KDM4B: variants seen among roughly 807,000 people sequenced by gnomAD.
The protein encoded by KDM4B is lysine-specific demethylase 4B.
KDM4B carries 32 observed loss-of-function variants against 125.2 expected under a neutral mutation model. That is an observed-to-expected ratio of 0.26 (90% CI 0.19 to 0.34). The LOEUF (loss-of-function observed/expected upper bound fraction) is 0.34, where lower values mean the gene tolerates loss of function less well. Ranked by LOEUF, KDM4B falls within the 10% of genes least tolerant of loss-of-function variation. The pLI is 1.00. For missense variants in KDM4B, 1,190 were observed against 1,577.7 expected (o/e 0.75, Z 4.16); for synonymous variants, 721 against 677.9 (o/e 1.06, Z -0.99).
chr19:5,087,386 C>T (rs2038539659), intron 9 of KDM4B, among the ~76,000 whole-genome samples: 1 of 152,224 alleles, frequency 6.6e-6, no homozygotes, highest in Non-Finnish European at 1.5e-5. Context: ...CACTCCTGCT[C>T]ATCCCCTATG....
At chr19:5,005,373 C>T (rs988953902) in intron 1 of KDM4B, among the ~76,000 whole-genome samples, 1 of 152,204 alleles carries the variant, frequency 6.6e-6, no homozygotes, top group Non-Finnish European at 1.5e-5. Flanking sequence ...CCTGTTCCTC[C>T]ATGGCCTCTG....
chr19:5,105,620 G>T (rs1691452039), intron 9 of KDM4B, among the ~76,000 whole-genome samples: 1 of 152,152 alleles, frequency 6.6e-6, no homozygotes, highest in Non-Finnish European at 1.5e-5. Flanking sequence ...AAATTTTTGT[G>T]GAGACAGCGT....
chr19:5,137,952 G>A lies in KDM4B; in HGVS notation c.2442-10G>A, dbSNP rs1337883728. ...AGGCGCACCTGACCCCGCTGCACCTGCCCTCCCAGGTGGATCCACGTGATC... is the reference window on the plus strand; with the variant it reads ...AGGCGCACCTGACCCCGCTGCACCTACCCTCCCAGGTGGATCCACGTGATC... On this transcript the variant is annotated splice_polypyrimidine_tract_variant and intron_variant, in intron 17 of 22. Coordinates refer to ENST00000159111, the MANE Select transcript of KDM4B (RefSeq NM_015015.3). The A allele has an allele frequency of 6.2e-7, 1 of 1,609,300 alleles. No homozygotes were observed. Among genetic ancestry groups the A allele is most frequent in the Admixed American group, 1.7e-5 (1 of 59,774 alleles).
chr19:5,132,073 G>A (rs1430482400), intron 13 of KDM4B, 66 bp downstream of exon 13: 3 of 1,489,714 alleles, frequency 2.0e-6, no homozygotes, highest in African/African-American at 1.4e-5. Flanking sequence ...TGCTGGAGGG[G>A]GGGCCTGGCT....
chr19:5,137,387 C>T (rs372201939), intron 16 of KDM4B, 49 bp downstream of exon 16: 997 of 1,501,814 alleles, frequency 6.6e-4, no homozygotes, highest in South Asian at 1.1e-3. Flanking sequence ...GCCTGGGCCC[C>T]GGCCCCACTC....
At chr19:5,028,435 A>G (rs2036349388) in intron 2 of KDM4B, among the ~76,000 whole-genome samples, 1 of 152,142 alleles carries the variant, frequency 6.6e-6, no homozygotes, top group Non-Finnish European at 1.5e-5. Context: ...GCTGTGTCGT[A>G]TTCCACCGCA....
At chr19:5,000,832 C>G (rs1329658117) in intron 1 of KDM4B, among the ~76,000 whole-genome samples, 4 of 152,096 alleles carry the variant, frequency 2.6e-5, no homozygotes, top group Non-Finnish European at 5.9e-5. Context: ...TTTCTTGATT[C>G]AACATACGTG....
intron 6 of KDM4B, among the ~76,000 whole-genome samples, chr19:5,057,540 T>C (rs1275866141): frequency 1.3e-5 from 2 of 152,220 alleles, no homozygotes; most frequent in Non-Finnish European, 2.9e-5. Context: ...ATCGTAAGCC[T>C]TGCTATCAGT....
At position 5,122,204 on chromosome 19, in the gene KDM4B, G is replaced by A. The variant is rs192859675; in HGVS notation, c.1315+2352G>A. Reference sequence around the variant, plus strand: ...CCTGCCTGTCTCAGTGTCTAGAGGCGCCCACATCTCTTGGCTCAGAGCCCC... The same window carrying A: ...CCTGCCTGTCTCAGTGTCTAGAGGCACCCACATCTCTTGGCTCAGAGCCCC... On this transcript the variant is annotated intron_variant, in intron 11 of 22. Coordinates refer to ENST00000159111, the MANE Select transcript of KDM4B (RefSeq NM_015015.3). Among the ~76,000 whole-genome samples, 93 of 152,208 alleles carry A rather than the reference G, an allele frequency of 6.1e-4. 1 individual carries two copies. The highest frequency in any genetic ancestry group is 2.0e-3 in the African/African-American group (85 of 41,528).
intron 1 of KDM4B, among the ~76,000 whole-genome samples, chr19:5,003,319 T>A (rs1871394722): frequency 6.6e-6 from 1 of 151,914 alleles, no homozygotes; most frequent in Non-Finnish European, 1.5e-5. Flanking sequence ...AGAAACCCCA[T>A]CTCTAATAAA....
intron 2 of KDM4B, among the ~76,000 whole-genome samples, chr19:5,017,990 T>C (rs1314512481): frequency 2.0e-5 from 3 of 151,946 alleles, no homozygotes; most frequent in Admixed American, 2.0e-4. Context: ...CCGCCCACCT[T>C]GGCCTCCCAA....
chr19:4,969,964 A>C (rs1170701351), intron 1 of KDM4B, among the ~76,000 whole-genome samples: 1 of 151,992 alleles, frequency 6.6e-6, no homozygotes, highest in Admixed American at 6.6e-5. Flanking sequence ...TTCCAGCCTG[A>C]TCGCCATCTC....
chr19:5,041,134 C>T lies in KDM4B; in HGVS notation c.318-3C>T, dbSNP rs765796330. ...AGCTGGTTTTGGGGTGTTTGTTCAC[C>T]AGGTACTGTACCCCGCGGCACCAGG... On this transcript the variant is annotated splice_region_variant and splice_polypyrimidine_tract_variant and intron_variant, in intron 4 of 22. Transcript: ENST00000159111. The T allele has an allele frequency of 6.2e-7, 1 of 1,602,926 alleles. No individual in the cohort carries two copies. Among genetic ancestry groups the T allele is most frequent in the East Asian group, 2.2e-5 (1 of 44,708 alleles).
At chr19:4,983,269 A>C (rs2145335166) in intron 1 of KDM4B, among the ~76,000 whole-genome samples, 1 of 151,812 alleles carries the variant, frequency 6.6e-6, no homozygotes, top group South Asian at 2.1e-4. Context: ...CTGGTGCTAT[A>C]GATGGGGTCC....
At chr19:5,051,218 G>A (rs2037212383) in intron 6 of KDM4B, among the ~76,000 whole-genome samples, 1 of 152,238 alleles carries the variant, frequency 6.6e-6, no homozygotes, top group South Asian at 2.1e-4. Flanking sequence ...CTGGTCCCAG[G>A]GCACTTCTGG....
At chr19:5,002,565 G>A (rs1323931515) in intron 1 of KDM4B, among the ~76,000 whole-genome samples, 1 of 149,908 alleles carries the variant, frequency 6.7e-6, no homozygotes, top group Non-Finnish European at 1.5e-5. Flanking sequence ...TGTTGCCCAC[G>A]CTGGTCTCAA....
At chr19:5,147,742 C>CAAA (rs35330966) in intron 21 of KDM4B, among the ~76,000 whole-genome samples, 38 of 80,946 alleles carry the variant, frequency 4.7e-4, no homozygotes, top group African/African-American at 1.6e-3. Flanking sequence ...AGCCCTGTCT[C>CAAA]AAAAAAAAAA....
In KDM4B at chr19:5,077,458, C is replaced by T; in HGVS notation, c.768C>T (p.Ile256=). The change falls in exon 8 of 23, where the codon ATC becomes ATT. Residue 256 remains isoleucine, a synonymous_variant. Coordinates refer to ENST00000159111, the MANE Select transcript of KDM4B (RefSeq NM_015015.3). ...ISPIILKKYG[I]PFSRITQEAG... ...CCATCATCCTGAAGAAGTACGGGATCCCCTTCAGCCGGGTGCGTACGGGTG... is the reference window on the plus strand; with the variant it reads ...CCATCATCCTGAAGAAGTACGGGATTCCCTTCAGCCGGGTGCGTACGGGTG... 2 of 1,613,276 alleles carry T rather than the reference C, an allele frequency of 1.2e-6. No homozygotes were observed. The highest frequency in any genetic ancestry group is 1.7e-6 in the Non-Finnish European group (2 of 1,179,900).
intron 9 of KDM4B, among the ~76,000 whole-genome samples, chr19:5,098,272 T>C (rs1234496008): frequency 6.6e-6 from 1 of 152,194 alleles, no homozygotes; most frequent in Non-Finnish European, 1.5e-5. Context: ...TTCAGTATGT[T>C]TTTTATTTTA....
Sources: gnomAD v4.1 joint callset for allele counts (sites outside exome capture counted in the v4.1 genomes callset) on GRCh38, gnomAD v4.1.1 for gene constraint, MANE v1.5 for transcripts, NCBI Gene and HGNC (gene_info 2026-07-23, HGNC 2026-07-21) for gene names.